KCNIP4: variants seen among roughly 807,000 people sequenced by gnomAD.
The protein encoded by KCNIP4 is potassium voltage-gated channel interacting protein 4, also known as Kv channel-interacting protein 4.
In KCNIP4, 12 loss-of-function variants were observed where a neutral mutation model predicts 34.0. That is an observed-to-expected ratio of 0.35 (90% CI 0.23 to 0.57). The LOEUF (loss-of-function observed/expected upper bound fraction) is 0.57. KCNIP4 is among the 20% of genes least tolerant of loss of function. The pLI is 0.83. For synonymous variants in KCNIP4, 124 were observed against 102.2 expected (o/e 1.21, Z -1.29); for missense variants, 238 against 311.7 (o/e 0.76, Z 1.78).
chr4:21,714,785 G>GACTTTTATTTTATTTT (rs939238600), intron 1 of KCNIP4, among the ~76,000 whole-genome samples: 1 of 43,388 alleles, frequency 2.3e-5, no homozygotes, highest in African/African-American at 2.0e-4. Flanking sequence ...ATTTCCCTTT[G>GACTTTTATTTTATTTT]ATTATTTTAT....
chr4:20,850,821 C>T lies in KCNIP4; in HGVS notation c.164-154G>A, dbSNP rs1014816488. 6 of 758,472 alleles carry T rather than the reference C, an allele frequency of 7.9e-6. No individual in the cohort carries two copies. In the Admixed American group the frequency reaches 9.8e-5, roughly 12 times the overall value. 47.0% of individuals were successfully genotyped at this position (758,472 alleles called of 1,614,324 possible). ...CAATGCCTATAAGGCCTTTACATTTCCCAGTTTAAGCGTATTAAGCTAAAA... is the reference window on the plus strand; with the variant it reads ...CAATGCCTATAAGGCCTTTACATTTTCCAGTTTAAGCGTATTAAGCTAAAA... On this transcript the variant is annotated intron_variant, in intron 2 of 8. Coordinates refer to ENST00000382152, the MANE Select transcript of KCNIP4 (RefSeq NM_025221.6).
At chr4:21,646,690 T>C (rs539458180) in intron 1 of KCNIP4, among the ~76,000 whole-genome samples, 2 of 152,296 alleles carry the variant, frequency 1.3e-5, no homozygotes, top group East Asian at 3.9e-4. Flanking sequence ...TTGCTCTCCA[T>C]TGCCCAAGTG....
chr4:21,942,169 C>T lies in KCNIP4; in HGVS notation c.61+6402G>A, dbSNP rs140470391. On this transcript the variant is annotated intron_variant, in intron 1 of 8. Transcript: ENST00000382152. ...ACCTGAGGAAATGGGTGTATATACACTGAATGACATCTCCATGCCTTTTTA... is the reference window on the plus strand; with the variant it reads ...ACCTGAGGAAATGGGTGTATATACATTGAATGACATCTCCATGCCTTTTTA... 4.8e-3 allele frequency among the ~76,000 whole-genome samples: 732 copies of T among 152,318 alleles called. 22 individuals carry two copies. Among genetic ancestry groups the T allele is most frequent in the Admixed American group, 0.042 (647 of 15,302 alleles).
intron 4 of KCNIP4, among the ~76,000 whole-genome samples, chr4:20,751,689 T>C (rs1753668913): frequency 6.6e-6 from 1 of 152,212 alleles, no homozygotes; most frequent in Non-Finnish European, 1.5e-5. Context: ...TGCTATTTTT[T>C]TAATCAAAAA....
intron 1 of KCNIP4, among the ~76,000 whole-genome samples, chr4:21,938,143 G>T (rs946605934): frequency 6.6e-6 from 1 of 152,048 alleles, no homozygotes; most frequent in Non-Finnish European, 1.5e-5. Context: ...AAATTCACCT[G>T]CCATCTGTCC....
intron 1 of KCNIP4, among the ~76,000 whole-genome samples, chr4:21,187,398 G>A (rs757608380): frequency 6.6e-5 from 10 of 152,240 alleles, no homozygotes; most frequent in Non-Finnish European, 4.4e-5. Flanking sequence ...AAGGGCAAAG[G>A]GACATTCCAA....
At chr4:21,330,910 T>G (rs1199343015) in intron 1 of KCNIP4, among the ~76,000 whole-genome samples, 1 of 152,176 alleles carries the variant, frequency 6.6e-6, no homozygotes, top group Non-Finnish European at 1.5e-5. Flanking sequence ...AATGGTACCC[T>G]AAAGATACCG....
At chr4:21,619,264 C>A (rs934650472) in intron 1 of KCNIP4, among the ~76,000 whole-genome samples, 1 of 152,104 alleles carries the variant, frequency 6.6e-6, no homozygotes, top group Admixed American at 6.5e-5. Flanking sequence ...AAAACTAATG[C>A]GCTCCACATT....
intron 1 of KCNIP4, among the ~76,000 whole-genome samples, chr4:21,841,668 T>C (rs1457687471): frequency 6.6e-6 from 1 of 152,202 alleles, no homozygotes. Flanking sequence ...ATATGAAATC[T>C]ATAGGTCAAA....
At chr4:21,324,955 A>G (rs1474919406) in intron 1 of KCNIP4, among the ~76,000 whole-genome samples, 1 of 151,664 alleles carries the variant, frequency 6.6e-6, no homozygotes, top group African/African-American at 2.4e-5. Context: ...TATGGTTTTC[A>G]TTGTAGAGAT....
chr4:21,430,604 A>G (rs997768746), intron 1 of KCNIP4, among the ~76,000 whole-genome samples: 1 of 152,164 alleles, frequency 6.6e-6, no homozygotes, highest in African/African-American at 2.4e-5. Context: ...TAATTTAGCC[A>G]TTATTTATGA....
chr4:20,775,294 G>C (rs1336971063), intron 3 of KCNIP4, among the ~76,000 whole-genome samples: 1 of 152,074 alleles, frequency 6.6e-6, no homozygotes, highest in East Asian at 1.9e-4. Flanking sequence ...AAGCAAGCAA[G>C]CACACAGAAT....
intron 1 of KCNIP4, among the ~76,000 whole-genome samples, chr4:21,046,479 T>A (rs1742426512): frequency 6.6e-6 from 1 of 152,132 alleles, no homozygotes; most frequent in East Asian, 1.9e-4. Flanking sequence ...GAGTGATAAA[T>A]AGAGTAGAAG....
rs929777160 is a variant in KCNIP4 at position 21,081,851 on chromosome 4, G to A, written c.62-199142C>T. On this transcript the variant is annotated intron_variant, in intron 1 of 8. Transcript: ENST00000382152. The stretch of plus-strand genomic sequence containing the variant: ...TTATATACACACAGAAACACATGTG[G>A]CTCACACATTAAGATGTAGACGACA... 6.6e-5 allele frequency among the ~76,000 whole-genome samples: 10 copies of A among 151,666 alleles called. 1 individual carries two copies. The highest frequency in any genetic ancestry group is 2.6e-4 in the Admixed American group (4 of 15,200).
chr4:21,357,291 G>T (rs1029060860), intron 1 of KCNIP4, among the ~76,000 whole-genome samples: 1 of 152,106 alleles, frequency 6.6e-6, no homozygotes, highest in African/African-American at 2.4e-5. Context: ...AAAAGCAATG[G>T]CAACAAAAGC....
chr4:21,830,929 T>C (rs570281206), intron 1 of KCNIP4, among the ~76,000 whole-genome samples: 7 of 152,298 alleles, frequency 4.6e-5, no homozygotes, highest in East Asian at 1.9e-4. Context: ...TCTTCAGAGA[T>C]GTTCAAAATT....
At chr4:21,370,874 CACACACACGTGTGT>C (rs1415132639) in intron 1 of KCNIP4, among the ~76,000 whole-genome samples, 2 of 72,832 alleles carry the variant, frequency 2.7e-5, no homozygotes, top group African/African-American at 1.2e-4. Flanking sequence ...CACACACACA[CACACACACGTGTGT>C]GTGTGTGTGT....
chr4:21,077,344 A>C (rs1465947813), intron 1 of KCNIP4, among the ~76,000 whole-genome samples: 1 of 152,232 alleles, frequency 6.6e-6, no homozygotes, highest in East Asian at 1.9e-4. Context: ...TATTTGAAGA[A>C]GTTACTACTC....
intron 1 of KCNIP4, among the ~76,000 whole-genome samples, chr4:21,764,423 G>A (rs1486742610): frequency 3.3e-5 from 5 of 152,122 alleles, no homozygotes; most frequent in Non-Finnish European, 5.9e-5. Flanking sequence ...GAGAGAAAGT[G>A]GAAGAAGAGT....
Sources: gnomAD v4.1 joint callset for allele counts (sites outside exome capture counted in the v4.1 genomes callset) on GRCh38, gnomAD v4.1.1 for gene constraint, MANE v1.5 for transcripts, NCBI Gene and HGNC (gene_info 2026-07-23, HGNC 2026-07-21) for gene names.